TMEM135: variants seen among roughly 807,000 people sequenced by gnomAD.
TMEM135 encodes the protein transmembrane protein 135, also known as peroxisomal membrane protein 52.
In TMEM135, 30 loss-of-function variants were observed where a neutral mutation model predicts 60.3. The observed-to-expected ratio is 0.50, with a 90% CI of 0.37 to 0.68. The LOEUF is 0.68. Among genes scored for constraint, TMEM135 ranks in the 30% least tolerant of loss-of-function variants. The pLI is 0.00. For missense variants in TMEM135, 468 were observed against 548.8 expected (o/e 0.85, Z 1.47); for synonymous variants, 190 against 186.7 (o/e 1.02, Z -0.14).
At chr11:87,287,990 T>G (rs1473337006) in intron 6 of TMEM135, among the ~76,000 whole-genome samples, 3 of 152,176 alleles carry the variant, frequency 2.0e-5, no homozygotes, top group Non-Finnish European at 1.5e-5. Context: ...AAATAATATA[T>G]AAATTTATGC....
chr11:87,155,945 T>C (rs1215006178), intron 4 of TMEM135, among the ~76,000 whole-genome samples: 1 of 152,178 alleles, frequency 6.6e-6, no homozygotes, highest in Admixed American at 6.5e-5. Flanking sequence ...ATAGTAACAA[T>C]GGGGATTCAA....
intron 4 of TMEM135, among the ~76,000 whole-genome samples, chr11:87,110,149 G>A (rs571282559): frequency 7.9e-5 from 12 of 152,062 alleles, no homozygotes; most frequent in Non-Finnish European, 1.8e-4. Flanking sequence ...TGGCAGTGTC[G>A]AAATTCCTCA....
intron 8 of TMEM135, among the ~76,000 whole-genome samples, chr11:87,302,951 C>A (rs1190007915): frequency 2.0e-5 from 3 of 152,036 alleles, no homozygotes; most frequent in Admixed American, 6.5e-5. Context: ...ATTTATATTT[C>A]TAGGATAGAT....
chr11:87,094,415 G>A (rs1304659123), intron 4 of TMEM135, among the ~76,000 whole-genome samples: 1 of 152,134 alleles, frequency 6.6e-6, no homozygotes, highest in Admixed American at 6.5e-5. Flanking sequence ...CAGTAATTTA[G>A]AGGTCTTGGA....
chr11:87,252,896 A>T lies in TMEM135; in HGVS notation c.509+16212A>T, dbSNP rs10501633. 5.3e-5 allele frequency among the ~76,000 whole-genome samples: 8 copies of T among 151,382 alleles called. No homozygotes were observed. In the South Asian group the frequency reaches 1.7e-3, roughly 32 times the overall value. On this transcript the variant is annotated intron_variant, in intron 6 of 14. Coordinates refer to ENST00000305494, the MANE Select transcript of TMEM135 (RefSeq NM_022918.4). The stretch of plus-strand genomic sequence containing the variant: ...TCAGAAGATATATACAGATGAAATG[A>T]GGCACTTCTATTATTGGCAGCCAAA...
Position 87,188,994 on chromosome 11 carries a change from TTC to T in TMEM135, c.462+31590_462+31591del, listed in dbSNP as rs1321969947. Among the ~76,000 whole-genome samples the T allele has an allele frequency of 4.0e-5, 6 of 148,984 alleles. 1 individual carries two copies. The highest frequency in any genetic ancestry group is 4.0e-4 in the Admixed American group (6 of 14,976). ...AGTTATACCATAATTTATTTACTCA[TTC>T]TGTTGTTAAACATTTGGGTTGTGTT... is the stretch of plus-strand genomic sequence containing the variant. On this transcript the variant is annotated intron_variant, in intron 5 of 14. Transcript: ENST00000305494.
chr11:87,280,470 T>A (rs777177407), intron 6 of TMEM135, among the ~76,000 whole-genome samples: 6 of 152,218 alleles, frequency 3.9e-5, no homozygotes, highest in Non-Finnish European at 7.3e-5. Context: ...AACCTCTCAG[T>A]TCTCAGAATA....
chr11:87,220,872 AAGGT>A (rs1260943842), intron 5 of TMEM135, among the ~76,000 whole-genome samples: 1 of 152,176 alleles, frequency 6.6e-6, no homozygotes, highest in Non-Finnish European at 1.5e-5. Context: ...CTACATTTTC[AAGGT>A]AGTTCGTTGG....
intron 4 of TMEM135, among the ~76,000 whole-genome samples, chr11:87,117,457 A>G (rs1013408637): frequency 6.6e-6 from 1 of 152,182 alleles, no homozygotes; most frequent in African/African-American, 2.4e-5. Context: ...TGCTTTCTCA[A>G]TTAAGTTTAT....
rs138804629 is a variant in TMEM135 at position 87,093,490 on chromosome 11, C to G, written c.396+2095C>G. On this transcript the variant is annotated intron_variant, in intron 4 of 14. Transcript: ENST00000305494. ...CCTCCCAAAGTGCTGTGATTATAGG[C>G]AAGAGCCACTTTGCCCAGCCAATTT... Among the ~76,000 whole-genome samples, 822 of 152,110 alleles carry G rather than the reference C, an allele frequency of 5.4e-3. 6 individuals carry two copies. The highest frequency in any genetic ancestry group is 0.018 in the African/African-American group (764 of 41,492).
intron 5 of TMEM135, among the ~76,000 whole-genome samples, chr11:87,201,654 G>A (rs1230272274): frequency 6.6e-6 from 1 of 152,082 alleles, no homozygotes; most frequent in Non-Finnish European, 1.5e-5. Context: ...CATTATAAAA[G>A]CCCCTGCTTT....
At chr11:87,303,334 C>T (rs2135441132) in intron 8 of TMEM135, among the ~76,000 whole-genome samples, 1 of 152,248 alleles carries the variant, frequency 6.6e-6, no homozygotes, top group East Asian at 1.9e-4. Flanking sequence ...CAGTTTCATC[C>T]TAAACCACCC....
At chr11:87,236,242 C>T (rs1400949321) in intron 5 of TMEM135, among the ~76,000 whole-genome samples, 1 of 151,654 alleles carries the variant, frequency 6.6e-6, no homozygotes, top group Non-Finnish European at 1.5e-5. Context: ...AATTTATTCT[C>T]CTAATATGGG....
At chr11:87,099,130 G>A (rs1297735921) in intron 4 of TMEM135, among the ~76,000 whole-genome samples, 2 of 151,970 alleles carry the variant, frequency 1.3e-5, no homozygotes, top group Non-Finnish European at 2.9e-5. Context: ...CTTTTCTATA[G>A]TAGCACACGC....
chr11:87,179,461 G>T (rs1316664175), intron 5 of TMEM135, among the ~76,000 whole-genome samples: 2 of 151,858 alleles, frequency 1.3e-5, no homozygotes, highest in African/African-American at 4.8e-5. Flanking sequence ...CCTAGTTGGG[G>T]GTCACAAAGA....
In TMEM135 at chr11:87,325,101, A is replaced by G; in HGVS notation, c.*3768A>G. ...ATTTCTTCTTCTTGTGGAATTAACA[A>G]AGAAAGGAGTGTCAAGGACTGAGAT... On this transcript the variant is annotated 3_prime_UTR_variant, in exon 15 of 15. Coordinates refer to ENST00000305494, the MANE Select transcript of TMEM135 (RefSeq NM_022918.4). 2.2e-6 allele frequency: 1 copy of G among 453,926 alleles called. No individual in the cohort carries two copies. The highest frequency in any genetic ancestry group is 4.4e-6 in the Non-Finnish European group (1 of 226,772). The allele number at this position is 453,926 out of a possible 1,614,324, so 28.1% of individuals were successfully genotyped here. A position where few individuals can be genotyped will look rare whatever the true frequency, so the allele number is the denominator to read the frequency against.
intron 5 of TMEM135, among the ~76,000 whole-genome samples, chr11:87,167,497 C>T (rs1939088213): frequency 6.6e-6 from 1 of 152,022 alleles, no homozygotes; most frequent in Non-Finnish European, 1.5e-5. Flanking sequence ...TACCTAGTTT[C>T]TTGAGTGCTT....
chr11:87,251,397 G>C (rs1159408678), intron 6 of TMEM135, among the ~76,000 whole-genome samples: 1 of 152,072 alleles, frequency 6.6e-6, no homozygotes, highest in Non-Finnish European at 1.5e-5. Flanking sequence ...GTTAAATTTA[G>C]GTGCTACTGT....
chr11:87,131,056 G>C (rs1346003834), intron 4 of TMEM135, among the ~76,000 whole-genome samples: 1 of 151,294 alleles, frequency 6.6e-6, no homozygotes, highest in Non-Finnish European at 1.5e-5. Flanking sequence ...CTATTGTGCT[G>C]ATAGGCTTTA....
Sources: gnomAD v4.1 joint callset for allele counts (sites outside exome capture counted in the v4.1 genomes callset) on GRCh38, gnomAD v4.1.1 for gene constraint, MANE v1.5 for transcripts, NCBI Gene and HGNC (gene_info 2026-07-23, HGNC 2026-07-21) for gene names.